The following CFHR5 variants were observed in gnomAD, a reference collection of about 807,000 sequenced individuals.
The protein encoded by CFHR5 is complement factor H related 5, also known as complement factor H-related protein 5.
CFHR5 carries 73 observed loss-of-function variants against 62.9 expected under a neutral mutation model. The observed-to-expected ratio is 1.16, with a 90% CI of 0.96 to 1.41. CFHR5 has a LOEUF of 1.41. Ranked by LOEUF, CFHR5 falls within the 40% of genes most tolerant of loss-of-function variation. The probability of loss-of-function intolerance (pLI) is 0.00; values close to 1 mark genes in which losing one functional copy is unlikely to be tolerated. For synonymous variants in CFHR5, 249 were observed against 227.2 expected, an observed-to-expected ratio of 1.10 and a Z score of -0.86; for missense variants, 779 against 679.9, an observed-to-expected ratio of 1.15 and a Z score of -1.62.
chr1:196,992,277 G>A (rs911153938), intron 3 of CFHR5, among the ~76,000 whole-genome samples: 3 of 152,152 alleles, frequency 2.0e-5, no homozygotes, highest in African/African-American at 7.2e-5. Context: ...GTATTTGTGT[G>A]TGAGTGTCCC....
At chr1:196,994,668 G>A (rs868822020) in intron 4 of CFHR5, among the ~76,000 whole-genome samples, 3 of 152,044 alleles carry the variant, frequency 2.0e-5, no homozygotes, top group Admixed American at 6.6e-5. Context: ...GCTTCAGATG[G>A]CACTATTTTT....
chr1:197,006,681 C>CA (rs975195351), intron 9 of CFHR5, among the ~76,000 whole-genome samples: 15 of 149,110 alleles, frequency 1.0e-4, no homozygotes, highest in African/African-American at 3.7e-4. Context: ...CATTGCACTC[C>CA]AGCCTGGGCA....
intron 9 of CFHR5, among the ~76,000 whole-genome samples, chr1:197,007,073 G>C (rs1004524216): frequency 1.3e-5 from 2 of 151,932 alleles, no homozygotes; most frequent in Admixed American, 6.5e-5. Flanking sequence ...TTGACCTCAT[G>C]ATCCACCCGC....
chr1:196,982,982 T>A lies in CFHR5; in HGVS notation c.156T>A (p.Tyr52Ter), dbSNP rs1470632977. The change falls in exon 2 of 10, where the codon TAT (tyrosine) becomes TAA (stop). Residue 52 changes from tyrosine to a stop codon, truncating the protein, a stop_gained. Coordinates refer to ENST00000256785, the MANE Select transcript of CFHR5 (RefSeq NM_030787.4). LOFTEE classifies it high-confidence loss of function. The part of the protein sequence containing the change: ...FSQVPTGEVF[Y>*]YSCEYNFVSP... The stretch of plus-strand genomic sequence containing the variant: ...AAGTTCCTACAGGGGAAGTTTTCTA[T>A]TACTCCTGTGAATATAATTTTGTGT... 1 of 1,613,998 alleles carries A rather than the reference T, an allele frequency of 6.2e-7. No individual in the cohort carries two copies. Among genetic ancestry groups the A allele is most frequent in the African/African-American group, 1.3e-5 (1 of 74,926 alleles).
At position 197,008,601 on chromosome 1, in the gene CFHR5, T is replaced by A. The variant is rs775126222; in HGVS notation, c.1628T>A (p.Phe543Tyr). 46 of 1,613,674 alleles carry A rather than the reference T, an allele frequency of 2.9e-5. No individual in the cohort carries two copies. The highest frequency in any genetic ancestry group is 3.7e-5 in the Non-Finnish European group (44 of 1,179,830). The change falls in exon 10 of 10, where the codon TTC (phenylalanine) becomes TAC (tyrosine). Residue 543 changes from phenylalanine to tyrosine, a missense_variant. By Grantham distance (22) the Phe-to-Tyr change is conservative. Transcript: ENST00000256785. ...GATGCTGTTGAATTCCAGTGTAAAT[T>A]CCCACATAAAGCGATGATATCATCA... ...TGDAVEFQCK[F>Y]PHKAMISSPP... is the part of the protein sequence containing the mutation.
upstream of CFHR5, among the ~76,000 whole-genome samples, chr1:196,975,730 C>T (rs74188363): frequency 0.2 from 30,634 of 152,068 alleles, 3,275 homozygotes; most frequent in Middle Eastern, 0.34. Context: ...TATTTAGGAC[C>T]GTGTTCATTA....
intron 4 of CFHR5, among the ~76,000 whole-genome samples, chr1:196,995,350 G>A (rs921817187): frequency 1.6e-5 from 1 of 61,096 alleles, no homozygotes; most frequent in East Asian, 2.5e-4. Context: ...GTAGGCAAAT[G>A]TCTTTATGAG....
chr1:196,993,739 G>A (rs1408493056), intron 3 of CFHR5, among the ~76,000 whole-genome samples: 2 of 152,058 alleles, frequency 1.3e-5, no homozygotes, highest in Non-Finnish European at 2.9e-5. Context: ...AACAAATAAT[G>A]TTATTAAACT....
rs1192469715 is a variant in CFHR5, at chr1:197,002,542, C to G, written c.1208C>G (p.Thr403Ser). Residue 403 changes from threonine to serine, a missense_variant, in exon 8 of 10, where the codon ACC becomes AGC. Physicochemically the swap from Thr to Ser is moderately conservative, Grantham distance 58. Transcript: ENST00000256785. ...ATACCTAATGCTCAGAATATGACAA[C>G]CACAGTGAATTATCAGGATGGAGAA... ...PQIPNAQNMT[T>S]TVNYQDGEKV... The G allele has an allele frequency of 6.2e-7, 1 of 1,613,472 alleles. No homozygotes were observed. Among genetic ancestry groups the G allele is most frequent in the African/African-American group, 1.3e-5 (1 of 74,834 alleles).
At chr1:196,975,148 T>A (rs1653367142), upstream of CFHR5, among the ~76,000 whole-genome samples, 2 of 152,126 alleles carry the variant, frequency 1.3e-5, no homozygotes, top group African/African-American at 4.8e-5. Flanking sequence ...GTCATGAAAT[T>A]TTTCTGAGTA....
chr1:196,990,000 A>T (rs958030643), intron 3 of CFHR5, among the ~76,000 whole-genome samples: 2 of 152,068 alleles, frequency 1.3e-5, no homozygotes, highest in African/African-American at 4.8e-5. Context: ...ATTGTGCAGG[A>T]GTCTAAGTCT....
Position 197,008,630 on chromosome 1 carries a change from C to T in CFHR5, c.1657C>T (p.Pro553Ser). The change falls in exon 10 of 10, where the codon CCA (proline) becomes TCA (serine). Residue 553 changes from proline to serine, a missense_variant. By Grantham distance (74) the Pro-to-Ser change is moderately conservative. Coordinates refer to ENST00000256785, the MANE Select transcript of CFHR5 (RefSeq NM_030787.4). Reference protein sequence around the residue: ...FPHKAMISSPPFRAICQEGKF... With the variant: ...FPHKAMISSPSFRAICQEGKF... ...ACATAAAGCGATGATATCATCACCA[C>T]CATTTCGAGCAATCTGTCAGGAAGG... The T allele has an allele frequency of 6.2e-7, 1 of 1,613,846 alleles. No homozygotes were observed.
intron 6 of CFHR5, among the ~76,000 whole-genome samples, chr1:196,997,785 T>C (rs1232107057): frequency 6.6e-6 from 1 of 152,122 alleles, no homozygotes; most frequent in East Asian, 1.9e-4. Flanking sequence ...TTTAAGATAG[T>C]TTAGTGCAAA....
At chr1:196,984,758 T>C (rs1345248854) in intron 3 of CFHR5, among the ~76,000 whole-genome samples, 2 of 152,168 alleles carry the variant, frequency 1.3e-5, no homozygotes, top group South Asian at 2.1e-4. Flanking sequence ...CACCTCAGTA[T>C]TCAACCAAAC....
At chr1:196,986,705 T>C (rs1464863977) in intron 3 of CFHR5, among the ~76,000 whole-genome samples, 1 of 152,170 alleles carries the variant, frequency 6.6e-6, no homozygotes, top group African/African-American at 2.4e-5. Context: ...AACTCATCCT[T>C]TTTTATGGCT....
At chr1:196,987,353 C>A (rs1653719851) in intron 3 of CFHR5, among the ~76,000 whole-genome samples, 5 of 151,984 alleles carry the variant, frequency 3.3e-5, no homozygotes, top group Admixed American at 2.0e-4. Context: ...TGTGCAGAAG[C>A]TCTTTAGTTT....
At position 196,998,290 on chromosome 1, in the gene CFHR5, A is replaced by G; in HGVS notation, c.1133A>G (p.Glu378Gly). ...TGTATAAACGGGAAATGGAATCCTG[A>G]AGTAGACTGCACAGGTAAGATTTGT... The part of the protein sequence containing the change: ...SVCINGKWNP[E>G]VDCTEKREQF... The change falls in exon 7 of 10, where the codon GAA becomes GGA. Residue 378 changes from glutamate to glycine, a missense_variant. Physicochemically the swap from Glu to Gly is moderately conservative, Grantham distance 98 (BLOSUM62 -2). Transcript: ENST00000256785. The G allele has an allele frequency of 6.2e-7, 1 of 1,611,064 alleles. No individual in the cohort carries two copies. Among genetic ancestry groups the G allele is most frequent in the Non-Finnish European group, 8.5e-7 (1 of 1,178,148 alleles).
Position 197,009,273 on chromosome 1 carries a change from T to C in CFHR5, c.*590T>C, listed in dbSNP as rs1346853484. The C allele has an allele frequency of 2.0e-5, 3 of 152,246 alleles. No homozygotes were observed. Among genetic ancestry groups the C allele is most frequent in the Non-Finnish European group, 2.9e-5 (2 of 68,096 alleles). The allele number at this position is 152,246 out of a possible 1,614,324, so 9.4% of individuals were successfully genotyped here. On this transcript the variant is annotated 3_prime_UTR_variant, in exon 10 of 10. Transcript: ENST00000256785. ...GATCTCACCTGACAACACTGTTGCA[T>C]TGGCAGTTAAGTTTCCACGTAAACT...
rs184890240 is a variant in CFHR5 at position 196,989,968 on chromosome 1, G to T, written c.431-4112G>T. Among the ~76,000 whole-genome samples the T allele has an allele frequency of 6.0e-3, 906 of 152,118 alleles. 14 individuals carry two copies. The highest frequency in any genetic ancestry group is 0.021 in the African/African-American group (871 of 41,468). ...TTAATCTGTCTAATAATGACAGTGG[G>T]GTGTTAAAGTCTCCCATTATTATTG... On this transcript the variant is annotated intron_variant, in intron 3 of 9. Transcript: ENST00000256785.
Sources: gnomAD v4.1 joint callset for allele counts (sites outside exome capture counted in the v4.1 genomes callset) on GRCh38, gnomAD v4.1.1 for gene constraint, MANE v1.5 for transcripts, NCBI Gene and HGNC (gene_info 2026-07-23, HGNC 2026-07-21) for gene names.